Variants in STK39 observed in about 807,000 individuals in gnomAD.
The protein encoded by STK39 is STE20/SPS1-related proline-alanine-rich protein kinase.
STK39 carries 20 observed loss-of-function variants against 77.8 expected under a neutral mutation model. That is an observed-to-expected ratio of 0.26 (90% confidence interval 0.18 to 0.37). The LOEUF (loss-of-function observed/expected upper bound fraction) is 0.37, where lower values mean the gene tolerates loss of function less well. STK39 is among the 10% of genes least tolerant of loss of function. The pLI is 1.00. For synonymous variants in STK39, 246 were observed against 234.1 expected (o/e 1.05, Z -0.47); for missense variants, 479 against 656.5 (o/e 0.73, Z 2.95).
chr2:168,096,363 C>G (rs1397729023), intron 10 of STK39, among the ~76,000 whole-genome samples: 1 of 152,178 alleles, frequency 6.6e-6, no homozygotes, highest in Admixed American at 6.5e-5. Context: ...GACTTAACCA[C>G]GAAGTCTCAG....
At chr2:168,145,412 C>A (rs1316315350) in intron 5 of STK39, among the ~76,000 whole-genome samples, 1 of 152,050 alleles carries the variant, frequency 6.6e-6, no homozygotes, top group African/African-American at 2.4e-5. Context: ...ACTGTCAGCA[C>A]CCTCCCACCA....
intron 14 of STK39, among the ~76,000 whole-genome samples, chr2:168,017,753 T>C (rs1297303326): frequency 6.6e-6 from 1 of 152,150 alleles, no homozygotes; most frequent in East Asian, 1.9e-4. Context: ...AATACTATTT[T>C]ATTAAATCAT....
Position 168,247,382 on chromosome 2 carries a change from G to A in STK39, c.54C>T (p.Ala18=), listed in dbSNP as rs546073753. 6.1e-5 allele frequency: 63 copies of A among 1,025,928 alleles called. No individual in the cohort carries two copies. In the African/African-American group the frequency reaches 9.3e-4, roughly 15 times the overall value. The allele number at this position is 1,025,928 out of a possible 1,614,324, so 63.6% of individuals were successfully genotyped here. A position where few individuals can be genotyped will look rare whatever the true frequency, so the allele number is the denominator to read the frequency against. ...PVHVQLPQQA[A]PVTAAAAAAP... is the part of the protein sequence containing the mutation. ...CCGCCGCCGCCGCCGCTGTCACCGG[G>A]GCCGCCTGCTGGGGAAGCTGGACGT... Residue 18 remains alanine, a synonymous_variant, in exon 1 of 18, where the codon GCC becomes GCT. Transcript: ENST00000355999.
chr2:167,992,087 G>A (rs1683713504), intron 16 of STK39, among the ~76,000 whole-genome samples: 1 of 152,170 alleles, frequency 6.6e-6, no homozygotes, highest in Non-Finnish European at 1.5e-5. Context: ...TAGCACTAAT[G>A]CACTCTAAAT....
At chr2:168,157,845 G>T (rs1425564871) in intron 5 of STK39, among the ~76,000 whole-genome samples, 2 of 152,188 alleles carry the variant, frequency 1.3e-5, no homozygotes, top group Non-Finnish European at 2.9e-5. Flanking sequence ...ACATAATGTA[G>T]TAGTAAGCTT....
At chr2:168,216,577 A>G (rs1367740621) in intron 1 of STK39, among the ~76,000 whole-genome samples, 1 of 152,172 alleles carries the variant, frequency 6.6e-6, no homozygotes, top group Non-Finnish European at 1.5e-5. Flanking sequence ...AGAAGGGGCT[A>G]AATGTCTTTT....
rs1045528082 is a variant in STK39 at position 168,080,448 on chromosome 2, T to C, written c.1090-5217A>G. 2.6e-5 allele frequency among the ~76,000 whole-genome samples: 4 copies of C among 151,936 alleles called. No homozygotes were observed. In the South Asian group the frequency reaches 8.3e-4, roughly 32 times the overall value. Reference sequence around the variant, plus strand: ...ACTGAGACCATCCTGGCTAACACAGTGAAACCCCGTCTCCACTAAAAATAC... The same window carrying C: ...ACTGAGACCATCCTGGCTAACACAGCGAAACCCCGTCTCCACTAAAAATAC... On this transcript the variant is annotated intron_variant, in intron 10 of 17. Transcript: ENST00000355999.
rs149814060 is a variant in STK39, at chr2:168,061,843, A to G, written c.1376+1657T>C. Among the ~76,000 whole-genome samples the G allele has an allele frequency of 2.0e-3, 298 of 152,364 alleles. 1 individual carries two copies. Among genetic ancestry groups the G allele is most frequent in the Middle Eastern group, 3.4e-3 (1 of 294 alleles). On this transcript the variant is annotated intron_variant, in intron 14 of 17. Coordinates refer to ENST00000355999, the MANE Select transcript of STK39 (RefSeq NM_013233.3). Reference sequence around the variant, plus strand: ...TTGCTCTAGCACCCAGGGCAAAATAATATCTAAAGTTAAGGTTCAGTAGTA... The same window carrying G: ...TTGCTCTAGCACCCAGGGCAAAATAGTATCTAAAGTTAAGGTTCAGTAGTA...
At chr2:168,103,608 A>C (rs1408063577) in intron 10 of STK39, among the ~76,000 whole-genome samples, 1 of 152,244 alleles carries the variant, frequency 6.6e-6, no homozygotes, top group Non-Finnish European at 1.5e-5. Flanking sequence ...GATTCTTTGC[A>C]CATTCATGAA....
intron 2 of STK39, among the ~76,000 whole-genome samples, chr2:168,170,760 G>GTACTGCCTGGCTGAGTC (rs1272823560): frequency 1.3e-5 from 2 of 152,236 alleles, no homozygotes; most frequent in African/African-American, 4.8e-5. Flanking sequence ...CTGGCCGACA[G>GTACTGCCTGGCTGAGTC]TACTGCCTGG....
At chr2:168,006,195 G>A (rs913131460) in intron 16 of STK39, among the ~76,000 whole-genome samples, 2 of 152,196 alleles carry the variant, frequency 1.3e-5, no homozygotes, top group African/African-American at 4.8e-5. Context: ...CTCTTCCGGT[G>A]TATACACACA....
chr2:168,193,820 A>G (rs1689401207), intron 1 of STK39, among the ~76,000 whole-genome samples: 1 of 152,240 alleles, frequency 6.6e-6, no homozygotes, highest in Admixed American at 6.5e-5. Flanking sequence ...TCAAGCTCCC[A>G]GGTGATGTGA....
intron 15 of STK39, among the ~76,000 whole-genome samples, chr2:168,016,387 C>CAAAAAAAAAAAAAAAAAAAAAAA (rs869084308): frequency 3.0e-5 from 2 of 65,646 alleles, no homozygotes; most frequent in African/African-American, 1.1e-4. Flanking sequence ...GGCCTTTGTT[C>CAAAAAAAAAAAAAAAAAAAAAAA]AAAAAAAAAA....
intron 16 of STK39, among the ~76,000 whole-genome samples, chr2:168,011,989 C>T (rs1267701039): frequency 6.6e-6 from 1 of 152,084 alleles, no homozygotes; most frequent in Non-Finnish European, 1.5e-5. Context: ...TATAGAAACT[C>T]TGAGTAAGGG....
intron 10 of STK39, among the ~76,000 whole-genome samples, chr2:168,085,480 A>C (rs1424555872): frequency 6.6e-6 from 1 of 152,218 alleles, no homozygotes. Context: ...CACAGGCTTT[A>C]AGATTGAAAA....
intron 5 of STK39, among the ~76,000 whole-genome samples, chr2:168,153,054 C>T (rs1001101068): frequency 1.1e-4 from 17 of 152,170 alleles, no homozygotes; most frequent in South Asian, 8.3e-4. Flanking sequence ...CATTGTTTTA[C>T]AAAGTTTTCA....
At chr2:168,031,333 G>A (rs1334068322) in intron 14 of STK39, among the ~76,000 whole-genome samples, 1 of 152,182 alleles carries the variant, frequency 6.6e-6, no homozygotes, top group African/African-American at 2.4e-5. Context: ...AGTAAGAGAA[G>A]GGAAATCTGA....
At chr2:168,077,903 CAAA>C (rs10707753) in intron 10 of STK39, among the ~76,000 whole-genome samples, 4 of 135,584 alleles carry the variant, frequency 3.0e-5, no homozygotes, top group Non-Finnish European at 3.2e-5. Flanking sequence ...GTTAAAACTT[CAAA>C]AAAAAAAAAA....
chr2:168,078,518 G>A (rs772246340), intron 10 of STK39, among the ~76,000 whole-genome samples: 8 of 152,082 alleles, frequency 5.3e-5, no homozygotes, highest in African/African-American at 1.2e-4. Flanking sequence ...CAGTTGTACC[G>A]TCCCCATGCA....
Sources: allele counts gnomAD v4.1 joint callset (sites outside exome capture counted in the v4.1 genomes callset), GRCh38; gene constraint gnomAD v4.1.1; transcripts MANE v1.5; gene names NCBI Gene and HGNC (gene_info 2026-07-23, HGNC 2026-07-21).